Variants in STON2 observed in about 807,000 individuals in gnomAD.
The protein encoded by STON2 is stonin 2.
In STON2, 29 loss-of-function variants were observed where a neutral mutation model predicts 65.7. The ratio of observed to expected loss-of-function variants is 0.44; its 90% confidence interval spans 0.33 to 0.60. STON2 has a LOEUF of 0.60. Among genes scored for constraint, STON2 ranks in the 20% least tolerant of loss-of-function variants. The pLI is 0.03. For synonymous variants in STON2, 404 were observed against 414.2 expected, an observed-to-expected ratio of 0.98 and a Z score of 0.30; for missense variants, 1,054 against 1,118.1, an observed-to-expected ratio of 0.94 and a Z score of 0.82.
rs527847767 is a variant in STON2, at chr14:81,278,506, A to G, written c.976T>C (p.Ser326Pro). Residue 326 changes from serine to proline, a missense_variant, in exon 6 of 8, where the codon TCA becomes CCA. By Grantham distance (74) the Ser-to-Pro change is moderately conservative (BLOSUM62 -1). Coordinates refer to ENST00000614646, the MANE Select transcript of STON2 (RefSeq NM_001394390.1). ...TCCCTCTTCTTAAATGATCCCATTG[A>G]ATTATAAGGTACATCTGGGATCACA... The part of the protein sequence containing the change: ...ASVIPDVPYN[S>P]MGSFKKRDRP... The G allele has an allele frequency of 6.2e-7, 1 of 1,614,134 alleles. No homozygotes were observed. Among genetic ancestry groups the G allele is most frequent in the African/African-American group, 1.3e-5 (1 of 75,044 alleles).
At chr14:81,316,592 G>A (rs1397483812) in intron 5 of STON2, among the ~76,000 whole-genome samples, 1 of 152,188 alleles carries the variant, frequency 6.6e-6, no homozygotes, top group Non-Finnish European at 1.5e-5. Flanking sequence ...ATCTCAGTTG[G>A]CCATTAGATG....
intron 4 of STON2, among the ~76,000 whole-genome samples, chr14:81,342,037 T>C (rs1010633386): frequency 1.3e-5 from 2 of 152,206 alleles, no homozygotes; most frequent in Middle Eastern, 3.2e-3. Flanking sequence ...ACATAATACA[T>C]GTTTAAGCAT....
intron 5 of STON2, among the ~76,000 whole-genome samples, chr14:81,286,270 T>C (rs1038478343): frequency 6.6e-6 from 1 of 152,238 alleles, no homozygotes; most frequent in Non-Finnish European, 1.5e-5. Flanking sequence ...AAAGATGTTC[T>C]ACAGTGTGTT....
At chr14:81,283,600 G>A (rs1008220676) in intron 5 of STON2, among the ~76,000 whole-genome samples, 2 of 142,744 alleles carry the variant, frequency 1.4e-5, no homozygotes, top group African/African-American at 2.6e-5. Context: ...GCGCTATCTC[G>A]GCTCACTGCA....
At chr14:81,400,388 C>T (rs1281493908), upstream of STON2, among the ~76,000 whole-genome samples, 2 of 148,100 alleles carry the variant, frequency 1.4e-5, no homozygotes, top group Non-Finnish European at 3.0e-5. Flanking sequence ...GTGGTAATGG[C>T]TGCGGGCCAA....
Position 81,277,387 on chromosome 14 carries a change from G to A in STON2, c.2095C>T (p.Leu699Phe), listed in dbSNP as rs1343870993. Residue 699 changes from leucine (L) to phenylalanine (F), a missense_variant, in exon 6 of 8, where the codon CTC becomes TTC. Physicochemically the swap from Leu to Phe is conservative, Grantham distance 22. Coordinates refer to ENST00000614646, the MANE Select transcript of STON2 (RefSeq NM_001394390.1). ...CACCCATGGAAACGGCACTCATGGA[G>A]CTTGATCCACTTTGTGGTGGTGGTG... ...MPTTTTKWIK[L>F]HECRFHGCVD... 6.8e-6 allele frequency: 11 copies of A among 1,614,072 alleles called. No homozygotes were observed. In the East Asian group the frequency reaches 8.9e-5, roughly 13 times the overall value.
At chr14:81,287,362 G>A (rs191806542) in intron 5 of STON2, among the ~76,000 whole-genome samples, 2 of 152,182 alleles carry the variant, frequency 1.3e-5, no homozygotes, top group South Asian at 2.1e-4. Flanking sequence ...AGGATGCTTC[G>A]ATGCTGGTAA....
intron 2 of STON2, among the ~76,000 whole-genome samples, chr14:81,398,060 A>G (rs1397011638): frequency 2.0e-5 from 3 of 152,178 alleles, no homozygotes; most frequent in Non-Finnish European, 4.4e-5. Flanking sequence ...GGGAGAAAAG[A>G]GCCACTACCT....
chr14:81,311,358 C>A (rs1426709372), intron 5 of STON2, among the ~76,000 whole-genome samples: 1 of 152,148 alleles, frequency 6.6e-6, no homozygotes, highest in Non-Finnish European at 1.5e-5. Flanking sequence ...CCCAGCAGAA[C>A]CCCTGATGTT....
At chr14:81,292,984 C>T (rs1202852648) in intron 5 of STON2, among the ~76,000 whole-genome samples, 2 of 152,126 alleles carry the variant, frequency 1.3e-5, no homozygotes, top group Admixed American at 1.3e-4. Flanking sequence ...TTGGGGACTC[C>T]CCCGTCTTGC....
rs956173567 is a variant in STON2 at position 81,262,845 on chromosome 14, G to T, written c.*5569C>A. 2 of 985,082 alleles carry T rather than the reference G, an allele frequency of 2.0e-6. No individual in the cohort carries two copies. Among genetic ancestry groups the T allele is most frequent in the East Asian group, 1.1e-4 (1 of 8,824 alleles). The allele number at this position is 985,082 out of a possible 1,614,324, so 61.0% of individuals were successfully genotyped here. On this transcript the variant is annotated 3_prime_UTR_variant, in exon 8 of 8. Coordinates refer to ENST00000614646, the MANE Select transcript of STON2 (RefSeq NM_001394390.1). ...ATACATACATTTGTTTTCTACATTTGTGGTTGCCTTATACATCTCCTTCAC... is the reference window on the plus strand; with the variant it reads ...ATACATACATTTGTTTTCTACATTTTTGGTTGCCTTATACATCTCCTTCAC...
intron 5 of STON2, among the ~76,000 whole-genome samples, chr14:81,321,496 A>C (rs1896820824): frequency 6.6e-6 from 1 of 152,174 alleles, no homozygotes; most frequent in Non-Finnish European, 1.5e-5. Flanking sequence ...GAGAAAGTAC[A>C]TGCTGCTCAA....
At chr14:81,379,907 G>A (rs1191018134) in intron 3 of STON2, among the ~76,000 whole-genome samples, 1 of 152,146 alleles carries the variant, frequency 6.6e-6, no homozygotes, top group African/African-American at 2.4e-5. Context: ...AGAAAATGTA[G>A]GGAATACCAT....
chr14:81,295,716 A>G (rs1895737584), intron 5 of STON2, among the ~76,000 whole-genome samples: 1 of 152,286 alleles, frequency 6.6e-6, no homozygotes, highest in Admixed American at 6.5e-5. Context: ...AATCTAAGGC[A>G]TTCACATATG....
intron 4 of STON2, among the ~76,000 whole-genome samples, chr14:81,355,166 C>T (rs561259069): frequency 6.6e-6 from 1 of 151,970 alleles, no homozygotes; most frequent in African/African-American, 2.4e-5. Context: ...AGAGACCTAA[C>T]CTTCACACAA....
In STON2 at chr14:81,411,897, A is replaced by G. The variant is rs1411954964; in HGVS notation, c.-198-13317T>C. 1.4e-4 allele frequency among the ~76,000 whole-genome samples: 14 copies of G among 98,258 alleles called. 4 individuals carry two copies. In the South Asian group the frequency reaches 2.6e-3, roughly 18 times the overall value. The allele number at this position is 98,258 out of a possible 152,430, so 64.5% of individuals were successfully genotyped here. On this transcript the variant is annotated intron_variant, in intron 2 of 8. Transcript: ENST00000553821. ...AACAAGGAATCTTATACATAGAGTG[A>G]CAGAAGATGTCTCTGAAGAGGTGAC...
At chr14:81,299,381 T>C (rs951678025) in intron 5 of STON2, among the ~76,000 whole-genome samples, 3 of 152,204 alleles carry the variant, frequency 2.0e-5, no homozygotes, top group Admixed American at 2.0e-4. Flanking sequence ...AAAGGGCATA[T>C]ACAAAAAGAA....
At chr14:81,370,929 T>C in intron 4 of STON2, 59 bp downstream of exon 4, 2 of 1,501,526 alleles carry the variant, frequency 1.3e-6, no homozygotes, top group South Asian at 1.2e-5. Context: ...GACTTTAAAG[T>C]GGACCTGGGT....
chr14:81,270,111 A>G (rs1894512514), intron 7 of STON2: 1 of 883,992 alleles, frequency 1.1e-6, no homozygotes, highest in Non-Finnish European at 1.4e-6. Flanking sequence ...TTTTTGAGAC[A>G]CAGTCTCGCT....
Sources: allele counts gnomAD v4.1 joint callset (sites outside exome capture counted in the v4.1 genomes callset), GRCh38; gene constraint gnomAD v4.1.1; transcripts MANE v1.5; gene names NCBI Gene and HGNC (gene_info 2026-07-23, HGNC 2026-07-21).